Variants in OSBPL8 observed in about 807,000 individuals in gnomAD.
OSBPL8 encodes oxysterol-binding protein-related protein 8.
A neutral mutation model predicts 125.5 loss-of-function variants in OSBPL8; 59 were observed. The ratio of observed to expected loss-of-function variants is 0.47; its 90% CI spans 0.38 to 0.58. OSBPL8 has a LOEUF of 0.58. Ranked by LOEUF, OSBPL8 falls within the 20% of genes least tolerant of loss-of-function variation. The pLI is 0.00. For missense variants in OSBPL8, 758 were observed against 1,047.8 expected (o/e 0.72, Z 3.82); for synonymous variants, 330 against 338.9 (o/e 0.97, Z 0.29).
chr12:76,429,939 C>T (rs899329552), intron 4 of OSBPL8, among the ~76,000 whole-genome samples: 6 of 151,866 alleles, frequency 4.0e-5, no homozygotes, highest in Admixed American at 3.9e-4. Context: ...CTTACTGATT[C>T]ATGGTCTAGA....
At chr12:76,481,461 A>T (rs1319630729) in intron 2 of OSBPL8, among the ~76,000 whole-genome samples, 2 of 152,084 alleles carry the variant, frequency 1.3e-5, no homozygotes, top group African/African-American at 4.8e-5. Flanking sequence ...CCCTGCGTCT[A>T]TTAAAAAAAA....
intron 4 of OSBPL8, chr12:76,422,462 T>G: frequency 2.2e-6 from 1 of 446,246 alleles, no homozygotes; most frequent in Non-Finnish European, 4.5e-6. Flanking sequence ...TGGTTTATTT[T>G]AATTAAAAGT....
intron 4 of OSBPL8, among the ~76,000 whole-genome samples, chr12:76,428,828 C>T (rs1452756507): frequency 1.3e-5 from 2 of 152,084 alleles, no homozygotes. Context: ...GCTTAGTAAA[C>T]AAGTCTATTC....
chr12:76,529,871 T>G (rs1482808695), intron 1 of OSBPL8, among the ~76,000 whole-genome samples: 3 of 152,220 alleles, frequency 2.0e-5, no homozygotes, highest in Non-Finnish European at 4.4e-5. Context: ...AATGCATTAT[T>G]ACATAATGTA....
intron 21 of OSBPL8, among the ~76,000 whole-genome samples, chr12:76,366,335 C>T (rs553754476): frequency 1.3e-5 from 2 of 152,274 alleles, no homozygotes; most frequent in Non-Finnish European, 2.9e-5. Flanking sequence ...TGTTGGCATA[C>T]AATTATTCAT....
At chr12:76,472,287 C>T (rs1305791815) in intron 2 of OSBPL8, among the ~76,000 whole-genome samples, 1 of 152,182 alleles carries the variant, frequency 6.6e-6, no homozygotes, top group African/African-American at 2.4e-5. Flanking sequence ...CTTCCTGAAA[C>T]CACACATCCA....
chr12:76,373,555 C>A, intron 17 of OSBPL8, 122 bp from the exon 18 acceptor site: 1 of 508,164 alleles, frequency 2.0e-6, no homozygotes, highest in Non-Finnish European at 3.3e-6. Flanking sequence ...AATGCACAAG[C>A]AGTAAAAAAA....
chr12:76,395,921 T>C (rs1953773894), intron 8 of OSBPL8, among the ~76,000 whole-genome samples: 1 of 151,816 alleles, frequency 6.6e-6, no homozygotes, highest in African/African-American at 2.4e-5. Context: ...TTAAATATTA[T>C]AAATTTGACA....
intron 14 of OSBPL8, among the ~76,000 whole-genome samples, chr12:76,385,424 G>C (rs760754564): frequency 6.6e-6 from 1 of 152,076 alleles, no homozygotes; most frequent in African/African-American, 2.4e-5. Context: ...TTTTCTGTCT[G>C]TATACAACAA....
intron 2 of OSBPL8, among the ~76,000 whole-genome samples, chr12:76,462,306 T>A (rs944029652): frequency 1.3e-5 from 2 of 152,218 alleles, no homozygotes; most frequent in Admixed American, 6.5e-5. Context: ...CCTTAGCATA[T>A]ACAACTACTA....
chr12:76,424,078 G>A lies in OSBPL8; in HGVS notation c.218-13444C>T, dbSNP rs565424337. On this transcript the variant is annotated intron_variant, in intron 4 of 23. Coordinates refer to ENST00000261183, the MANE Select transcript of OSBPL8 (RefSeq NM_020841.5). ...TGCAGTGGCAAAATCTCAGCTCGCTGCCACCTCTACCTCTCGGGTTCAAGT... is the reference window on the plus strand; with the variant it reads ...TGCAGTGGCAAAATCTCAGCTCGCTACCACCTCTACCTCTCGGGTTCAAGT... Among the ~76,000 whole-genome samples the A allele has an allele frequency of 4.6e-5, 7 of 152,078 alleles. No individual in the cohort carries two copies. In the East Asian group the frequency reaches 1.4e-3, roughly 29 times the overall value.
intron 5 of OSBPL8, among the ~76,000 whole-genome samples, chr12:76,410,341 T>C (rs553556063): frequency 6.6e-6 from 1 of 152,202 alleles, no homozygotes; most frequent in South Asian, 2.1e-4. Flanking sequence ...AGAAACAGTA[T>C]TACTCTGGCA....
At chr12:76,508,842 AC>A (rs1880690100) in intron 1 of OSBPL8, among the ~76,000 whole-genome samples, 1 of 152,172 alleles carries the variant, frequency 6.6e-6, no homozygotes, top group Non-Finnish European at 1.5e-5. Flanking sequence ...GGAATTACCC[AC>A]CCCTTTCCCA....
chr12:76,448,991 G>A (rs548846365), intron 4 of OSBPL8, among the ~76,000 whole-genome samples: 39 of 152,174 alleles, frequency 2.6e-4, no homozygotes, highest in African/African-American at 7.9e-4. Flanking sequence ...CTAGCCTGGC[G>A]ACAGAGCAAG....
rs749640902 is a variant in OSBPL8 at position 76,392,662 on chromosome 12, A to G, written c.848T>C (p.Leu283Pro). 1 of 1,614,134 alleles carries G rather than the reference A, an allele frequency of 6.2e-7. No homozygotes were observed. The change falls in exon 10 of 24, where the codon CTG becomes CCG. Residue 283 changes from leucine (L) to proline (P), a missense_variant. Physicochemically the swap from Leu to Pro is moderately conservative, Grantham distance 98. Around this residue, in one of 3 missense-constraint regions of OSBPL8, gnomAD observed 572 missense variants for 762.0 expected, o/e 0.75. Transcript: ENST00000261183. ...TMIREGKEHD[L>P]SVSSDSTHVT... ...ATGTGTGCTATCTGATGAAACGCTC[A>G]GGTCATGTTCCTTTCCTTCTCTGAT...
At chr12:76,557,561 G>C (rs1317618347) in intron 1 of OSBPL8, among the ~76,000 whole-genome samples, 1 of 148,816 alleles carries the variant, frequency 6.7e-6, no homozygotes, top group Non-Finnish European at 1.5e-5. Context: ...GCTGCAGTGA[G>C]CCAAGTTGCA....
intron 3 of OSBPL8, among the ~76,000 whole-genome samples, chr12:76,454,066 C>T (rs1873729415): frequency 6.6e-6 from 1 of 152,092 alleles, no homozygotes; most frequent in African/African-American, 2.4e-5. Context: ...ATGGGATCAT[C>T]GAGATGTCTT....
At chr12:76,369,927 A>G (rs1207231688) in intron 19 of OSBPL8, 105 bp from the exon 20 acceptor site, 1 of 1,139,122 alleles carries the variant, frequency 8.8e-7, no homozygotes, top group South Asian at 1.8e-5. Context: ...TGCTCACATG[A>G]ATTTCTGGCT....
At chr12:76,516,821 T>C (rs1212948325) in intron 1 of OSBPL8, among the ~76,000 whole-genome samples, 1 of 150,424 alleles carries the variant, frequency 6.6e-6, no homozygotes, top group African/African-American at 2.4e-5. Context: ...TCTTTTCTTT[T>C]TTTTTTTTTT....
Sources: gnomAD v4.1 joint callset for allele counts (sites outside exome capture counted in the v4.1 genomes callset) on GRCh38, gnomAD v4.1.1 for gene constraint, gnomAD v4.1.1 regional missense constraint, MANE v1.5 for transcripts, NCBI Gene and HGNC (gene_info 2026-07-23, HGNC 2026-07-21) for gene names.